PRAP1: variants seen among roughly 807,000 people sequenced by gnomAD.
The protein encoded by PRAP1 is proline-rich acidic protein 1.
A neutral mutation model predicts 14.6 loss-of-function variants in PRAP1; 12 were observed. The ratio of observed to expected loss-of-function variants is 0.82; its 90% CI spans 0.53 to 1.33. PRAP1 has a LOEUF of 1.33. Ranked by LOEUF, PRAP1 falls within the 40% of genes most tolerant of loss-of-function variation. The pLI, the probability that PRAP1 is intolerant of heterozygous loss-of-function variation, is 0.00. For missense variants in PRAP1, 160 were observed against 193.7 expected (o/e 0.83, Z 1.03); for synonymous variants, 81 against 80.3 (o/e 1.01, Z -0.04).
chr10:133,350,763 C>G (rs2133404411), intron 2 of PRAP1: 2 of 155,184 alleles, frequency 1.3e-5, no homozygotes, highest in South Asian at 4.0e-4. Context: ...AGGCCCACGC[C>G]TTCCTTGACT....
chr10:133,350,117 G>A lies in PRAP1; in HGVS notation c.31G>A (p.Val11Met). The change falls in exon 2 of 5, where the codon GTG becomes ATG. Residue 11 changes from valine (V) to methionine (M), a missense_variant. Coordinates refer to ENST00000433452, the MANE Select transcript of PRAP1 (RefSeq NM_145202.5). MRRLLLVTSL[V>M]VVLLWEAGAV... ...CAGGCTCCTCCTGGTCACCAGCCTG[G>A]TGGTTGTGCTGCTGTGGGAGGCAGG... The A allele has an allele frequency of 6.2e-7, 1 of 1,613,540 alleles. No homozygotes were observed. Among genetic ancestry groups the A allele is most frequent in the Non-Finnish European group, 8.5e-7 (1 of 1,179,804 alleles).
chr10:133,350,310 A>G, intron 2 of PRAP1, 149 bp downstream of exon 2: 1 of 691,952 alleles, frequency 1.4e-6, no homozygotes, highest in South Asian at 1.8e-5. Context: ...ATGACTCTTG[A>G]TGCCTGTGCA....
Position 133,352,393 on chromosome 10 carries a change from C to T in PRAP1, c.409C>T (p.Leu137Phe), listed in dbSNP as rs1419942123. Reference protein sequence around the residue: ...RLWVMPNHQVLLGPEEDQDHI... With the variant: ...RLWVMPNHQVFLGPEEDQDHI... The stretch of plus-strand genomic sequence containing the variant: ...GTGGGTGATGCCAAATCACCAGGTG[C>T]TCCTGGGACCGGAGGAAGACCAAGA... The change falls in exon 5 of 5, where the codon CTC (leucine) becomes TTC (phenylalanine). Residue 137 changes from leucine to phenylalanine, a missense_variant. Leu to Phe is a conservative substitution (Grantham distance 22). Transcript: ENST00000433452. 1.2e-6 allele frequency: 2 copies of T among 1,612,982 alleles called. No individual in the cohort carries two copies. The highest frequency in any genetic ancestry group is 3.3e-5 in the Admixed American group (2 of 60,002).
In PRAP1 at chr10:133,352,021, G is replaced by A. The variant is rs371060059; in HGVS notation, c.143G>A (p.Arg48His). Reference protein sequence around the residue: ...EQDPEKAWGARVVEPPEKDDQ... With the variant: ...EQDPEKAWGAHVVEPPEKDDQ... ...TGTGCCAGCAGGGCCTGGGGCGCCCGTGTGGTGGAGCCTCCGGAGAAGGAC... is the reference window on the plus strand; with the variant it reads ...TGTGCCAGCAGGGCCTGGGGCGCCCATGTGGTGGAGCCTCCGGAGAAGGAC... The change falls in exon 4 of 5, where the codon CGT becomes CAT. Residue 48 changes from arginine to histidine, a missense_variant. Coordinates refer to ENST00000433452, the MANE Select transcript of PRAP1 (RefSeq NM_145202.5). 112 of 1,612,780 alleles carry A rather than the reference G, an allele frequency of 6.9e-5. No individual in the cohort carries two copies. The highest frequency in any genetic ancestry group is 6.7e-4 in the South Asian group (61 of 91,086).
At chr10:133,350,005 C>T in intron 1 of PRAP1, 90 bp from the exon 2 acceptor site, 2 of 1,160,526 alleles carry the variant, frequency 1.7e-6, no homozygotes, top group South Asian at 2.8e-5. Flanking sequence ...GAACCCAGCC[C>T]AGGCCTCCCA....
Position 133,351,966 on chromosome 10 carries a change from TC to T in PRAP1, c.129-36del. 1.2e-6 allele frequency: 2 copies of T among 1,602,940 alleles called. No individual in the cohort carries two copies. The highest frequency in any genetic ancestry group is 8.5e-7 in the Non-Finnish European group (1 of 1,176,600). On this transcript the variant is annotated intron_variant, in intron 3 of 4. Transcript: ENST00000433452. This position sits in a 1 kb window ranked among gnomAD's most constrained non-coding sequence, Gnocchi z 4.3. ...CCTCCTGCGGGGGGTTCTGTCCACC[TC>T]CCCCACCTGCATGTGGACCTGACCA...
At chr10:133,350,981 G>A (rs1427842266) in intron 2 of PRAP1, among the ~76,000 whole-genome samples, 2 of 151,540 alleles carry the variant, frequency 1.3e-5, no homozygotes, top group Admixed American at 6.6e-5. Flanking sequence ...GGCTGACCGC[G>A]TTCTCTCGGC....
In PRAP1 at chr10:133,351,348, G is replaced by A. The variant is rs1191962000; in HGVS notation, c.76-33G>A. On this transcript the variant is annotated intron_variant, in intron 2 of 4. Transcript: ENST00000433452. This position sits in a 1 kb window ranked among gnomAD's most constrained non-coding sequence, Gnocchi z 4.3. ...CAGGTGTCCTCCACCCGCGTGGACT[G>A]TGGCCCAGCCCACACCTGTGACTCT... 1.3e-6 allele frequency: 2 copies of A among 1,599,968 alleles called. No homozygotes were observed. The highest frequency in any genetic ancestry group is 1.7e-5 in the Admixed American group (1 of 59,016).
At chr10:133,350,499 C>T (rs1235699865) in intron 2 of PRAP1, 4 of 277,234 alleles carry the variant, frequency 1.4e-5, no homozygotes, top group Non-Finnish European at 2.1e-5. Flanking sequence ...GGATGACACC[C>T]ACGTGGTCCC....
At chr10:133,352,179 GT>G (rs1253610618) in intron 4 of PRAP1, 39 bp downstream of exon 4, 1 of 1,612,120 alleles carries the variant, frequency 6.2e-7, no homozygotes, top group African/African-American at 1.3e-5. Context: ...CGCTCGTGGG[GT>G]TGACTTGGAC....
chr10:133,349,313 CACATA>C lies in PRAP1; in HGVS notation c.9-776_9-772del, dbSNP rs1381209968. ...CACACACATCCACCACACACAAACA[CACATA>C]ACATACACACACAGCACACGCACCC... On this transcript the variant is annotated intron_variant, in intron 1 of 4. Coordinates refer to ENST00000433452, the MANE Select transcript of PRAP1 (RefSeq NM_145202.5). Among the ~76,000 whole-genome samples the C allele has an allele frequency of 4.0e-5, 6 of 151,642 alleles. No individual in the cohort carries two copies. In the South Asian group the frequency reaches 1.0e-3, roughly 26 times the overall value.
chr10:133,347,476 G>T lies in PRAP1; in HGVS notation c.8+51G>T, dbSNP rs753496005. On this transcript the variant is annotated intron_variant, in intron 1 of 4. Coordinates refer to ENST00000433452, the MANE Select transcript of PRAP1 (RefSeq NM_145202.5). This position sits in a 1 kb window ranked among gnomAD's most constrained non-coding sequence, Gnocchi z 5.0. Reference sequence around the variant, plus strand: ...ATCCCCACCCCACCCAAACCTGGAGGCCTGGCCCTTAGCCAGAGGGGGCCC... The same window carrying T: ...ATCCCCACCCCACCCAAACCTGGAGTCCTGGCCCTTAGCCAGAGGGGGCCC... 10 of 1,577,652 alleles carry T rather than the reference G, an allele frequency of 6.3e-6. No individual in the cohort carries two copies. Among genetic ancestry groups the T allele is most frequent in the Non-Finnish European group, 7.8e-6 (9 of 1,159,004 alleles).
At position 133,351,307 on chromosome 10, in the gene PRAP1, C is replaced by G. The variant is rs1042598892; in HGVS notation, c.76-74C>G. 7.8e-7 allele frequency: 1 copy of G among 1,280,964 alleles called. No individual in the cohort carries two copies. Among genetic ancestry groups the G allele is most frequent in the African/African-American group, 1.5e-5 (1 of 68,244 alleles). The allele number at this position is 1,280,964 out of a possible 1,614,324, so 79.3% of individuals were successfully genotyped here. On this transcript the variant is annotated intron_variant, in intron 2 of 4. Transcript: ENST00000433452. This position sits in a 1 kb window ranked among gnomAD's most constrained non-coding sequence, Gnocchi z 4.3. Reference sequence around the variant, plus strand: ...ACCCCATGCAGCCCCAGGTGGGCCTCGGAGCAACCTCTCCCCAGGTGTCCT... The same window carrying G: ...ACCCCATGCAGCCCCAGGTGGGCCTGGGAGCAACCTCTCCCCAGGTGTCCT...
intron 4 of PRAP1, 48 bp downstream of exon 4, chr10:133,352,188 G>A (rs755483514): frequency 1.2e-6 from 2 of 1,611,830 alleles, no homozygotes; most frequent in Non-Finnish European, 1.7e-6. Context: ...GGTTGACTTG[G>A]ACAGACCAAG....
intron 1 of PRAP1, among the ~76,000 whole-genome samples, chr10:133,349,324 C>T (rs1564794022): frequency 1.3e-5 from 2 of 151,708 alleles, no homozygotes; most frequent in African/African-American, 4.8e-5. Flanking sequence ...ACATAACATA[C>T]ACACACAGCA....
intron 1 of PRAP1, among the ~76,000 whole-genome samples, chr10:133,349,231 GC>G (rs746253118): frequency 1.0e-3 from 150 of 146,124 alleles, no homozygotes; most frequent in Non-Finnish European, 1.2e-3. Context: ...ACACATACAT[GC>G]ACACACAGCA....
At chr10:133,350,910 TG>T (rs1848665999) in intron 2 of PRAP1, among the ~76,000 whole-genome samples, 3 of 794 alleles carry the variant, frequency 3.8e-3, no homozygotes, top group African/African-American at 0.016. Context: ...TCAGAGCAGC[TG>T]ACAACTAAGG....
intron 1 of PRAP1, among the ~76,000 whole-genome samples, chr10:133,348,218 T>G (rs1464600597): frequency 6.6e-6 from 1 of 152,096 alleles, no homozygotes; most frequent in Non-Finnish European, 1.5e-5. Flanking sequence ...AGCACGGCAG[T>G]GGGATTGGGG....
At position 133,351,407 on chromosome 10, in the gene PRAP1, C is replaced by T; in HGVS notation, c.102C>T (p.His34=). 3 of 1,611,872 alleles carry T rather than the reference C, an allele frequency of 1.9e-6. No homozygotes were observed. Among genetic ancestry groups the T allele is most frequent in the Non-Finnish European group, 2.5e-6 (3 of 1,179,064 alleles). Residue 34 remains histidine, a synonymous_variant, in exon 3 of 5, where the codon CAC becomes CAT. Coordinates refer to ENST00000433452, the MANE Select transcript of PRAP1 (RefSeq NM_145202.5). This position sits in a 1 kb window ranked among gnomAD's most constrained non-coding sequence, Gnocchi z 4.3. ...PKVPIKMQVK[H]WPSEQDPEKA... Reference sequence around the variant, plus strand: ...TCCCTATCAAGATGCAAGTCAAACACTGGCCCTCAGAGCAGGACCCAGAGA... The same window carrying T: ...TCCCTATCAAGATGCAAGTCAAACATTGGCCCTCAGAGCAGGACCCAGAGA...
Sources: allele counts gnomAD v4.1 joint callset (sites outside exome capture counted in the v4.1 genomes callset), GRCh38; gene constraint gnomAD v4.1.1; non-coding constraint Gnocchi (gnomAD v3.1); transcripts MANE v1.5; gene names NCBI Gene and HGNC (gene_info 2026-07-23, HGNC 2026-07-21).